SLC47A1: variants seen among roughly 807,000 people sequenced by gnomAD.
SLC47A1 encodes multidrug and toxin extrusion protein 1.
In SLC47A1, 58 loss-of-function variants were observed where a neutral mutation model predicts 65.8. The observed-to-expected ratio is 0.88, with a 90% confidence interval of 0.71 to 1.10. The LOEUF (loss-of-function observed/expected upper bound fraction) is 1.10. SLC47A1 is among the 50% of genes least tolerant of loss of function. The pLI is 0.00. For synonymous variants in SLC47A1, 285 were observed against 295.0 expected, an observed-to-expected ratio of 0.97 and a Z score of 0.35; for missense variants, 706 against 719.2, an observed-to-expected ratio of 0.98 and a Z score of 0.21.
chr17:19,563,336 G>C (rs1429933625), intron 12 of SLC47A1, among the ~76,000 whole-genome samples: 1 of 151,858 alleles, frequency 6.6e-6, no homozygotes, highest in Admixed American at 6.6e-5. Context: ...GTTTCACCGT[G>C]TTAGCCAGGA....
intron 6 of SLC47A1, among the ~76,000 whole-genome samples, chr17:19,553,633 C>T (rs553514660): frequency 1.3e-4 from 20 of 151,626 alleles, no homozygotes; most frequent in East Asian, 9.7e-4. Flanking sequence ...CCTCCACCTC[C>T]GAGGTTCAAG....
At chr17:19,554,617 G>A (rs990905061) in intron 6 of SLC47A1, among the ~76,000 whole-genome samples, 1 of 152,088 alleles carries the variant, frequency 6.6e-6, no homozygotes, top group Non-Finnish European at 1.5e-5. Context: ...CTTTATCTGC[G>A]TCTGCTATTC....
At position 19,566,843 on chromosome 17, in the gene SLC47A1, T is replaced by C. The variant is rs1372329550; in HGVS notation, c.1160T>C (p.Leu387Pro). ...QVVPIYAVSH[L>P]FEALACTSGG... ...GTTCCAATTTATGCTGTTTCCCACC[T>C]CTTTGAAGCTCTTGCTGTAAGTATT... Residue 387 changes from leucine (L) to proline (P), a missense_variant, in exon 13 of 17, where the codon CTC becomes CCC. Transcript: ENST00000270570. 1 of 1,614,202 alleles carries C rather than the reference T, an allele frequency of 6.2e-7. No individual in the cohort carries two copies. The highest frequency in any genetic ancestry group is 8.5e-7 in the Non-Finnish European group (1 of 1,180,030).
In SLC47A1 at chr17:19,558,589, A is replaced by G. The variant is rs143523508; in HGVS notation, c.922-1599A>G. 7.4e-3 allele frequency among the ~76,000 whole-genome samples: 1,120 copies of G among 151,954 alleles called. 7 individuals carry two copies. The highest frequency in any genetic ancestry group is 0.013 in the Non-Finnish European group (864 of 67,962). ...CACCTCAGCCTCCTGAGTAGCTGGGACTACAGGCATGCACCACCACTCCCA... is the reference window on the plus strand; with the variant it reads ...CACCTCAGCCTCCTGAGTAGCTGGGGCTACAGGCATGCACCACCACTCCCA... On this transcript the variant is annotated intron_variant, in intron 10 of 16. Transcript: ENST00000270570.
At chr17:19,564,484 A>G (rs1001146157) in intron 12 of SLC47A1, 2 of 152,236 alleles carry the variant, frequency 1.3e-5, no homozygotes, top group African/African-American at 4.8e-5. Flanking sequence ...ATATTTTCAT[A>G]GACACTAGAC....
intron 12 of SLC47A1, among the ~76,000 whole-genome samples, chr17:19,561,600 G>T (rs994176062): frequency 6.9e-6 from 1 of 144,036 alleles, no homozygotes; most frequent in East Asian, 2.0e-4. Flanking sequence ...CTGAGATCCC[G>T]CCACTGCACT....
At chr17:19,556,567 T>TTC (rs1418216724) in intron 10 of SLC47A1, among the ~76,000 whole-genome samples, 4 of 150,918 alleles carry the variant, frequency 2.7e-5, no homozygotes, top group Admixed American at 6.6e-5. Context: ...GGATTTTTTT[T>TTC]TTTTTTTTGA....
intron 15 of SLC47A1, 87 bp from the exon 16 acceptor site, chr17:19,572,693 G>A: frequency 8.2e-7 from 1 of 1,217,742 alleles, no homozygotes; most frequent in African/African-American, 1.5e-5. Flanking sequence ...TAAGGAAAAT[G>A]GCTTGGCTCT....
intron 10 of SLC47A1, chr17:19,557,911 AAAAGATTCATAAAAGTGAAACAAAGGTAC>A (rs1180490568): frequency 1.6e-5 from 3 of 187,746 alleles, no homozygotes; most frequent in African/African-American, 7.4e-5. Flanking sequence ...AAAAAAAAAA[AAAAGATTCATAAAAGTGAAACAAAGGTAC>A]GATTTTATGT....
Position 19,573,527 on chromosome 17 carries a change from C to CTT in SLC47A1, c.1486+677_1486+678dup, listed in dbSNP as rs34229068. Among the ~76,000 whole-genome samples, 4 of 147,690 alleles carry CTT rather than the reference C, an allele frequency of 2.7e-5. No homozygotes were observed. The South Asian group carries it at 8.6e-4, about 32-fold the overall frequency. On this transcript the variant is annotated intron_variant, in intron 16 of 16. Transcript: ENST00000270570. The stretch of plus-strand genomic sequence containing the variant: ...TTAATTTTTTAAAATTAAAGAAAAA[C>CTT]TTTTTTTTTTTTAAATAGAAAGAGG...
chr17:19,538,918 A>G (rs111296508), intron 1 of SLC47A1, among the ~76,000 whole-genome samples: 3,056 of 152,182 alleles, frequency 0.02, 39 homozygotes, highest in Non-Finnish European at 0.031. Context: ...ACAAGAAGGG[A>G]CGGAAGCACG....
At chr17:19,565,391 G>A (rs540073969) in intron 12 of SLC47A1, among the ~76,000 whole-genome samples, 66 of 152,134 alleles carry the variant, frequency 4.3e-4, no homozygotes, top group African/African-American at 1.5e-3. Flanking sequence ...CAAACTTGCC[G>A]GGATGATAGG....
rs149180567 is a variant in SLC47A1, at chr17:19,540,694, C to G, written c.136-1699C>G. Among the ~76,000 whole-genome samples the G allele has an allele frequency of 1.6e-3, 241 of 152,314 alleles. 1 individual carries two copies. Among genetic ancestry groups the G allele is most frequent in the Non-Finnish European group, 2.6e-3 (179 of 68,028 alleles). ...CCCCCTTTTTATTCCCATCTTCTGT[C>G]TTATTTTGGCTTACGCAAAACATTG... On this transcript the variant is annotated intron_variant, in intron 1 of 16. Coordinates refer to ENST00000270570, the MANE Select transcript of SLC47A1 (RefSeq NM_018242.3).
chr17:19,553,114 G>C (rs985035162), intron 6 of SLC47A1, among the ~76,000 whole-genome samples: 1 of 152,060 alleles, frequency 6.6e-6, no homozygotes, highest in African/African-American at 2.4e-5. Flanking sequence ...AGGAAGACAG[G>C]GCAACCATTA....
At chr17:19,573,920 CTTTT>C (rs397856610) in intron 16 of SLC47A1, among the ~76,000 whole-genome samples, 3 of 122,416 alleles carry the variant, frequency 2.5e-5, no homozygotes, top group Non-Finnish European at 3.4e-5. Context: ...CTGGTTCATG[CTTTT>C]TTTTTTTTTT....
chr17:19,552,132 G>A (rs1200894307), intron 6 of SLC47A1, among the ~76,000 whole-genome samples: 1 of 152,252 alleles, frequency 6.6e-6, no homozygotes, highest in Non-Finnish European at 1.5e-5. Flanking sequence ...GCAACAGGAA[G>A]GGCCAGGAGG....
intron 14 of SLC47A1, 131 bp downstream of exon 14, chr17:19,567,359 G>A (rs2084367339): frequency 4.4e-6 from 6 of 1,365,016 alleles, no homozygotes; most frequent in Non-Finnish European, 6.1e-6. Context: ...TCTGTGTCTT[G>A]TCAGAGAGTG....
At chr17:19,548,171 T>C in intron 4 of SLC47A1, 38 bp downstream of exon 4, 1 of 1,591,610 alleles carries the variant, frequency 6.3e-7, no homozygotes, top group Non-Finnish European at 8.6e-7. Flanking sequence ...TTGGCGTCCA[T>C]CCCACGGAAA....
Position 19,577,450 on chromosome 17 carries a change from T to C in SLC47A1, c.1610T>C (p.Leu537Ser). ...GAACATCCACAGGACGGCGCTAAAT[T>C]GTCCAGGAAACAGCTGGTGCTGCGG... ...LPEHPQDGAK[L>S]SRKQLVLRRG... The change falls in exon 17 of 17, where the codon TTG (leucine) becomes TCG (serine). Residue 537 changes from leucine to serine, a missense_variant. Physicochemically the swap from Leu to Ser is moderately radical, Grantham distance 145. Coordinates refer to ENST00000270570, the MANE Select transcript of SLC47A1 (RefSeq NM_018242.3). 6.2e-7 allele frequency: 1 copy of C among 1,614,132 alleles called. No individual in the cohort carries two copies. The highest frequency in any genetic ancestry group is 8.5e-7 in the Non-Finnish European group (1 of 1,180,024).
Sources: allele counts gnomAD v4.1 joint callset (sites outside exome capture counted in the v4.1 genomes callset), GRCh38; gene constraint gnomAD v4.1.1; transcripts MANE v1.5; gene names NCBI Gene and HGNC (gene_info 2026-07-23, HGNC 2026-07-21).